Variants in TBC1D31 observed in about 807,000 individuals in gnomAD.
The protein encoded by TBC1D31 is WD repeat domain 67.
In TBC1D31, 99 loss-of-function variants were observed where a neutral mutation model predicts 132.9. The observed-to-expected ratio is 0.74, with a 90% CI of 0.63 to 0.88. TBC1D31 has a LOEUF of 0.88. Ranked by LOEUF, TBC1D31 falls within the 40% of genes least tolerant of loss-of-function variation. The pLI, the probability that TBC1D31 is intolerant of heterozygous loss-of-function variation, is 0.00. For synonymous variants in TBC1D31, 385 were observed against 419.4 expected, an observed-to-expected ratio of 0.92 and a Z score of 1.00; for missense variants, 1,134 against 1,256.6, an observed-to-expected ratio of 0.90 and a Z score of 1.48.
the TBC1D31 span, among the ~76,000 whole-genome samples, chr8:123,160,642 C>T: frequency 3.5e-4 from 53 of 152,210 alleles, 1 homozygote; most frequent in Middle Eastern, 6.8e-3. Context: ...GCCGCTGCCC[C>T]GCAGGTTTCG....
At chr8:123,142,584 T>A in intron 19 of TBC1D31, 128 bp downstream of exon 19, 1 of 673,602 alleles carries the variant, frequency 1.5e-6, no homozygotes, top group East Asian at 3.2e-5. Context: ...TCTGCCTGCA[T>A]CAGCCTCCCA....
chr8:123,084,405 T>C (rs888366640), intron 4 of TBC1D31, 65 bp downstream of exon 4: 35 of 1,425,598 alleles, frequency 2.5e-5, no homozygotes, highest in Admixed American at 3.7e-5. Context: ...CAACAGGATG[T>C]ATAGATGATA....
rs1196795624 is a variant in TBC1D31 at position 123,144,703 on chromosome 8, T to G, written c.2836-14T>G. 1 of 1,594,318 alleles carries G rather than the reference T, an allele frequency of 6.3e-7. No homozygotes were observed. The highest frequency in any genetic ancestry group is 1.9e-5 in the Admixed American group (1 of 53,762). On this transcript the variant is annotated splice_polypyrimidine_tract_variant and intron_variant, in intron 19 of 21. Coordinates refer to ENST00000287380, the MANE Select transcript of TBC1D31 (RefSeq NM_145647.4). ...CTTTTTATGTAATCTTTTTTTCCAT[T>G]TATTTGAATTTAGTGGAAGGAAGCT...
chr8:123,139,449 CAGGT>C (rs760368111), intron 17 of TBC1D31, among the ~76,000 whole-genome samples: 59 of 152,152 alleles, frequency 3.9e-4, no homozygotes, highest in Non-Finnish European at 6.8e-4. Context: ...TGTCTCTACT[CAGGT>C]AGTTTGGGGG....
chr8:123,143,494 G>T (rs749309254), intron 19 of TBC1D31, among the ~76,000 whole-genome samples: 1 of 152,088 alleles, frequency 6.6e-6, no homozygotes, highest in Non-Finnish European at 1.5e-5. Flanking sequence ...AGATATTATC[G>T]CAGGTACCAT....
intron 10 of TBC1D31, among the ~76,000 whole-genome samples, chr8:123,116,333 A>G (rs11774656): frequency 0.31 from 46,778 of 151,978 alleles, 7,268 homozygotes; most frequent in African/African-American, 0.35. Context: ...CCATCAAAGT[A>G]TTAGAAATAA....
At chr8:123,161,455 C>G in the TBC1D31 span, among the ~76,000 whole-genome samples, 3 of 152,320 alleles carry the variant, frequency 2.0e-5, no homozygotes, top group South Asian at 6.2e-4. Flanking sequence ...TTCAATTGCC[C>G]CTCACTTACG....
chr8:123,121,868 A>T (rs1819520176), intron 11 of TBC1D31, among the ~76,000 whole-genome samples: 1 of 152,220 alleles, frequency 6.6e-6, no homozygotes, highest in African/African-American at 2.4e-5. Flanking sequence ...CAAGCCAATT[A>T]AAAAATGAGT....
intron 14 of TBC1D31, 40 bp from the exon 15 acceptor site, chr8:123,129,026 T>C (rs778786293): frequency 1.4e-6 from 2 of 1,433,372 alleles, no homozygotes; most frequent in South Asian, 1.5e-5. Context: ...GATTCTTAGC[T>C]TTCTTCTTTG....
chr8:123,144,026 A>T (rs1485121830), intron 19 of TBC1D31, among the ~76,000 whole-genome samples: 1 of 152,136 alleles, frequency 6.6e-6, no homozygotes. Context: ...GTAACATGAA[A>T]GGGATGGATT....
At chr8:123,129,685 G>A (rs1279973917) in intron 15 of TBC1D31, among the ~76,000 whole-genome samples, 1 of 152,080 alleles carries the variant, frequency 6.6e-6, no homozygotes, top group Non-Finnish European at 1.5e-5. Context: ...TCAAAAGTAC[G>A]TTAGCTGGGT....
chr8:123,144,916 T>G, intron 20 of TBC1D31, 61 bp downstream of exon 20: 4 of 1,484,994 alleles, frequency 2.7e-6, no homozygotes, highest in Non-Finnish European at 3.6e-6. Context: ...TAGTAGGGTC[T>G]ATTATTATGA....
Position 123,105,419 on chromosome 8 carries a change from T to C in TBC1D31, c.1164T>C (p.Thr388=), listed in dbSNP as rs780960920. 18 of 1,612,392 alleles carry C rather than the reference T, an allele frequency of 1.1e-5. No homozygotes were observed. The East Asian group carries it at 4.0e-4, about 36-fold the overall frequency. Residue 388 remains threonine (T), a synonymous_variant, in exon 8 of 22, where the codon ACT becomes ACC. Coordinates refer to ENST00000287380, the MANE Select transcript of TBC1D31 (RefSeq NM_145647.4). ...PAKSRESKMQ[T]RILKQDLTGD... ...AATCTAGGGAAAGCAAAATGCAAAC[T>C]AGAATATTAAAACAAGACCTGACTG...
intron 11 of TBC1D31, among the ~76,000 whole-genome samples, chr8:123,120,765 C>T (rs956524261): frequency 1.3e-5 from 2 of 151,936 alleles, no homozygotes; most frequent in Admixed American, 1.3e-4. Flanking sequence ...TCCCCAAGTG[C>T]AAGAATTTTA....
intron 15 of TBC1D31, 83 bp downstream of exon 15, chr8:123,129,301 AAAC>A (rs1820397369): frequency 2.1e-6 from 2 of 954,546 alleles, no homozygotes; most frequent in East Asian, 5.6e-5. Context: ...TTCATTTTAG[AAAC>A]AACATTATAT....
rs777453804 is a variant in TBC1D31 at position 123,072,728 on chromosome 8, G to C, written c.-42G>C. On this transcript the variant is annotated 5_prime_UTR_variant, in exon 1 of 22. Coordinates refer to ENST00000287380, the MANE Select transcript of TBC1D31 (RefSeq NM_145647.4). ...GGGCCTGCCGGGAAGGCGCTGGGAC[G>C]GTTACCCAGCGGGCCGCCGGCGGTC... is the stretch of plus-strand genomic sequence containing the variant. 1.3e-5 allele frequency: 20 copies of C among 1,544,728 alleles called. No individual in the cohort carries two copies. The highest frequency in any genetic ancestry group is 1.8e-5 in the Non-Finnish European group (20 of 1,142,272).
intron 16 of TBC1D31, among the ~76,000 whole-genome samples, chr8:123,130,610 T>A (rs1370933765): frequency 6.6e-6 from 1 of 151,452 alleles, no homozygotes; most frequent in Non-Finnish European, 1.5e-5. Context: ...TAAGTTATTT[T>A]TTCTTTTCTT....
chr8:123,113,530 A>G lies in TBC1D31; in HGVS notation c.1436+3910A>G, dbSNP rs550324334. 3.9e-5 allele frequency among the ~76,000 whole-genome samples: 6 copies of G among 152,316 alleles called. No homozygotes were observed. The South Asian group carries it at 1.2e-3, about 32-fold the overall frequency. Reference sequence around the variant, plus strand: ...TTTTCTACCTAAATACAGTGTATACATGGGGACCTTCTTGAGATGTATTTT... The same window carrying G: ...TTTTCTACCTAAATACAGTGTATACGTGGGGACCTTCTTGAGATGTATTTT... On this transcript the variant is annotated intron_variant, in intron 10 of 21. Transcript: ENST00000287380.
Position 123,151,814 on chromosome 8 carries a change from A to C in TBC1D31, c.3076A>C (p.Asn1026His). 1 of 1,555,956 alleles carries C rather than the reference A, an allele frequency of 6.4e-7. No individual in the cohort carries two copies. The highest frequency in any genetic ancestry group is 8.6e-7 in the Non-Finnish European group (1 of 1,162,920). ...EMDPSTQISL[N>H]RRAVEWDTTG... ...TAAATTTCGTTTTCAAGTTTCTTTA[A>C]ATAGAAGAGCAGTAGAATGGGACAC... is the stretch of plus-strand genomic sequence containing the variant. Residue 1026 changes from asparagine to histidine, a missense_variant, in exon 22 of 22, where the codon AAT (asparagine) becomes CAT (histidine). Coordinates refer to ENST00000287380, the MANE Select transcript of TBC1D31 (RefSeq NM_145647.4).
Sources: gnomAD v4.1 joint callset for allele counts (sites outside exome capture counted in the v4.1 genomes callset) on GRCh38, gnomAD v4.1.1 for gene constraint, MANE v1.5 for transcripts, NCBI Gene and HGNC (gene_info 2026-07-23, HGNC 2026-07-21) for gene names.